The following GRID2 variants were observed in gnomAD, a reference collection of about 807,000 sequenced individuals.
GRID2 encodes glutamate receptor ionotropic, delta-2.
Under a neutral mutation model 114.8 loss-of-function variants are expected in GRID2, and 33 were observed. That is an observed-to-expected ratio of 0.29 (90% CI 0.22 to 0.38). The LOEUF (loss-of-function observed/expected upper bound fraction) is 0.38, where lower values mean the gene tolerates loss of function less well. GRID2 is among the 10% of genes least tolerant of loss of function. The pLI is 1.00. For synonymous variants in GRID2, 505 were observed against 449.9 expected (o/e 1.12, Z -1.55); for missense variants, 1,184 against 1,257.7 (o/e 0.94, Z 0.89).
intron 8 of GRID2, among the ~76,000 whole-genome samples, chr4:93,368,004 T>C (rs1318969432): frequency 6.6e-6 from 1 of 152,124 alleles, no homozygotes; most frequent in Non-Finnish European, 1.5e-5. Context: ...AGTGAAACAA[T>C]ATAATTTTAC....
At chr4:93,713,264 T>C (rs1728637746) in intron 14 of GRID2, among the ~76,000 whole-genome samples, 1 of 152,134 alleles carries the variant, frequency 6.6e-6, no homozygotes, top group African/African-American at 2.4e-5. Flanking sequence ...ACCTCTAGCC[T>C]AGAGTACCTT....
chr4:92,389,590 A>G (rs1415077729), intron 1 of GRID2, among the ~76,000 whole-genome samples: 1 of 152,100 alleles, frequency 6.6e-6, no homozygotes, highest in Non-Finnish European at 1.5e-5. Flanking sequence ...AGGTGCTACA[A>G]TCTTTATCAC....
chr4:93,704,544 T>G (rs2110149223), intron 14 of GRID2, among the ~76,000 whole-genome samples: 1 of 152,318 alleles, frequency 6.6e-6, no homozygotes, highest in African/African-American at 2.4e-5. Context: ...CCATTGCTTT[T>G]GGTGTTTTAT....
chr4:93,180,450 G>T (rs1739786602), intron 4 of GRID2, among the ~76,000 whole-genome samples: 1 of 152,104 alleles, frequency 6.6e-6, no homozygotes, highest in Admixed American at 6.6e-5. Flanking sequence ...GATCAGGGTG[G>T]TGATTGCTAA....
chr4:93,285,513 T>G (rs1753062476), intron 8 of GRID2, among the ~76,000 whole-genome samples: 1 of 152,078 alleles, frequency 6.6e-6, no homozygotes, highest in Non-Finnish European at 1.5e-5. Flanking sequence ...CTATTTGACA[T>G]GTTAGAAACA....
chr4:93,596,527 G>A (rs557568449), intron 13 of GRID2, among the ~76,000 whole-genome samples: 27 of 152,054 alleles, frequency 1.8e-4, no homozygotes, highest in East Asian at 7.7e-4. Context: ...GCGGTGAGCC[G>A]AGATCGCGTC....
chr4:92,453,423 T>C (rs1433501985), intron 1 of GRID2, among the ~76,000 whole-genome samples: 3 of 152,098 alleles, frequency 2.0e-5, no homozygotes, highest in Admixed American at 2.0e-4. Flanking sequence ...TCATACAGAG[T>C]ATGGCCTCAC....
intron 2 of GRID2, among the ~76,000 whole-genome samples, chr4:92,795,738 G>T (rs1023915817): frequency 1.3e-5 from 2 of 151,928 alleles, no homozygotes; most frequent in South Asian, 4.1e-4. Context: ...ATTGTCTATT[G>T]TTAATTTGAT....
intron 14 of GRID2, among the ~76,000 whole-genome samples, chr4:93,634,288 TACTC>T (rs1221598908): frequency 9.9e-5 from 15 of 151,992 alleles, no homozygotes; most frequent in Admixed American, 2.6e-4. Flanking sequence ...GCAGGTAAAA[TACTC>T]AGGAAAACAT....
At chr4:93,525,410 A>G (rs1730785220) in intron 13 of GRID2, among the ~76,000 whole-genome samples, 1 of 152,148 alleles carries the variant, frequency 6.6e-6, no homozygotes, top group African/African-American at 2.4e-5. Flanking sequence ...TGGGGGAGGA[A>G]GGTGCTTGTG....
chr4:93,208,843 G>A (rs899966084), intron 5 of GRID2, among the ~76,000 whole-genome samples: 4 of 151,854 alleles, frequency 2.6e-5, no homozygotes, highest in Non-Finnish European at 4.4e-5. Flanking sequence ...TAAAGTTCTG[G>A]TACCTTCTAA....
At chr4:92,530,727 C>A in intron 1 of GRID2, among the ~76,000 whole-genome samples, 1 of 133,260 alleles carries the variant, frequency 7.5e-6, no homozygotes, top group Non-Finnish European at 1.6e-5. Flanking sequence ...TAGTGAAACC[C>A]CCTCTACTAA....
At chr4:92,600,044 G>GTGTGTGTGTATATATA (rs1206780169) in intron 2 of GRID2, among the ~76,000 whole-genome samples, 9 of 54,448 alleles carry the variant, frequency 1.7e-4, no homozygotes, top group South Asian at 7.6e-4. Flanking sequence ...GTGTGTGTGT[G>GTGTGTGTGTATATATA]TATATATATA....
intron 14 of GRID2, among the ~76,000 whole-genome samples, chr4:93,755,771 G>A (rs1228015474): frequency 6.6e-6 from 1 of 152,196 alleles, no homozygotes; most frequent in Non-Finnish European, 1.5e-5. Context: ...AAGATCTTGT[G>A]TTAAATAATG....
chr4:93,459,982 CT>C (rs1723589914), intron 11 of GRID2, among the ~76,000 whole-genome samples: 1 of 152,156 alleles, frequency 6.6e-6, no homozygotes, highest in Admixed American at 6.5e-5. Context: ...GAAATCTCTT[CT>C]TATCTAGAAA....
At chr4:92,829,025 C>G (rs1258402710) in intron 2 of GRID2, among the ~76,000 whole-genome samples, 6 of 152,070 alleles carry the variant, frequency 3.9e-5, no homozygotes, top group Admixed American at 6.6e-5. Flanking sequence ...TTAATTAGAT[C>G]CCATTTGTCA....
chr4:92,835,658 C>A (rs531227313), intron 2 of GRID2, among the ~76,000 whole-genome samples: 2 of 152,224 alleles, frequency 1.3e-5, no homozygotes, highest in East Asian at 3.9e-4. Context: ...TTCTTACCCC[C>A]AGGTGATTCT....
At chr4:92,592,731 A>G (rs1281468491) in intron 2 of GRID2, among the ~76,000 whole-genome samples, 1 of 152,104 alleles carries the variant, frequency 6.6e-6, no homozygotes, top group Non-Finnish European at 1.5e-5. Flanking sequence ...ACCTGAAATG[A>G]GTTCCAGGAA....
At chr4:93,732,908 T>C (rs1482648062) in intron 14 of GRID2, among the ~76,000 whole-genome samples, 1 of 138,976 alleles carries the variant, frequency 7.2e-6, no homozygotes, top group African/African-American at 2.6e-5. Flanking sequence ...ATATGTGGGG[T>C]CACTTTAAAA....
Sources: gnomAD v4.1 joint callset for allele counts (sites outside exome capture counted in the v4.1 genomes callset) on GRCh38, gnomAD v4.1.1 for gene constraint, MANE v1.5 for transcripts, NCBI Gene and HGNC (gene_info 2026-07-23, HGNC 2026-07-21) for gene names.